NR2F1-AS1: variants seen among roughly 807,000 people sequenced by gnomAD.
NR2F1-AS1 encodes NR2F1 regulatory antisense RNA 1, also known as NR2F1 antisense RNA 1.
chr5:93,529,573 A>G (rs74460097), intron 4 of NR2F1-AS1, among the ~76,000 whole-genome samples: 7,047 of 152,266 alleles, frequency 0.046, 537 homozygotes, highest in African/African-American at 0.16. Flanking sequence ...GACCATAGGT[A>G]AATTATTTAA....
chr5:93,487,794 T>C (rs1373513389), intron 4 of NR2F1-AS1, among the ~76,000 whole-genome samples: 1 of 152,134 alleles, frequency 6.6e-6, no homozygotes, highest in Non-Finnish European at 1.5e-5. Flanking sequence ...AACACAATCC[T>C]AAGCACAAAG....
At chr5:93,534,233 A>T (rs1425835008) in intron 4 of NR2F1-AS1, among the ~76,000 whole-genome samples, 2 of 152,246 alleles carry the variant, frequency 1.3e-5, no homozygotes, top group Non-Finnish European at 2.9e-5. Context: ...CCTGTGAGGT[A>T]ATACTATCAT....
intron 2 of NR2F1-AS1, among the ~76,000 whole-genome samples, chr5:93,563,062 T>C (rs1259551036): frequency 6.6e-6 from 1 of 152,240 alleles, no homozygotes; most frequent in Non-Finnish European, 1.5e-5. Context: ...GGAAAATATA[T>C]AGCCAATGCT....
chr5:93,555,627 A>G (rs1392746527), intron 2 of NR2F1-AS1, among the ~76,000 whole-genome samples: 2 of 152,182 alleles, frequency 1.3e-5, no homozygotes, highest in Admixed American at 6.5e-5. Context: ...ACAAGACTGA[A>G]GGCAATGGAC....
intron 4 of NR2F1-AS1, among the ~76,000 whole-genome samples, chr5:93,548,779 G>A (rs1283828670): frequency 6.6e-6 from 1 of 152,108 alleles, no homozygotes; most frequent in Non-Finnish European, 1.5e-5. Context: ...GCTGAGATAG[G>A]AGAATCACTT....
At chr5:93,414,763 T>G (rs565237386) in intron 4 of NR2F1-AS1, among the ~76,000 whole-genome samples, 34 of 152,246 alleles carry the variant, frequency 2.2e-4, no homozygotes, top group African/African-American at 7.7e-4. Flanking sequence ...ACTTGTAAAT[T>G]TATTCATCCT....
chr5:93,446,823 C>G (rs1453180245), intron 4 of NR2F1-AS1, among the ~76,000 whole-genome samples: 1 of 152,114 alleles, frequency 6.6e-6, no homozygotes, highest in Non-Finnish European at 1.5e-5. Flanking sequence ...CTACAGTATT[C>G]AAAACAGCAT....
chr5:93,562,195 A>AAAAAAAAAAAAAAAAAAGAAAAGAAAAG (rs755007063), intron 2 of NR2F1-AS1, among the ~76,000 whole-genome samples: 2 of 136,664 alleles, frequency 1.5e-5, no homozygotes, highest in African/African-American at 3.0e-5. Flanking sequence ...AAAAAAAAAA[A>AAAAAAAAAAAAAAAAAAGAAAAGAAAAG]AAAAGAAAAG....
intron 4 of NR2F1-AS1, among the ~76,000 whole-genome samples, chr5:93,430,658 G>A (rs1378422886): frequency 6.6e-6 from 1 of 152,130 alleles, no homozygotes; most frequent in Non-Finnish European, 1.5e-5. Flanking sequence ...AAGAAGAATG[G>A]TGTGGCCCAG....
chr5:93,418,221 G>C (rs1451804794), intron 4 of NR2F1-AS1, among the ~76,000 whole-genome samples: 7 of 152,124 alleles, frequency 4.6e-5, no homozygotes, highest in Admixed American at 4.6e-4. Flanking sequence ...AGGCCTAAAG[G>C]GGGCCAGCTT....
intron 4 of NR2F1-AS1, among the ~76,000 whole-genome samples, chr5:93,414,921 AAGTT>A (rs1748937782): frequency 6.6e-6 from 1 of 152,206 alleles, no homozygotes; most frequent in Non-Finnish European, 1.5e-5. Flanking sequence ...TTAAAAAAAA[AAGTT>A]AGGAGTACAA....
chr5:93,555,149 G>C (rs1752324723), intron 2 of NR2F1-AS1, among the ~76,000 whole-genome samples: 1 of 152,106 alleles, frequency 6.6e-6, no homozygotes. Flanking sequence ...TCTTCCACTA[G>C]ATTGCAAACT....
chr5:93,572,210 C>T (rs1752785859), intron 1 of NR2F1-AS1, among the ~76,000 whole-genome samples: 3 of 152,252 alleles, frequency 2.0e-5, no homozygotes, highest in Admixed American at 2.0e-4. Flanking sequence ...CGCACGTACA[C>T]ACACTCACAC....
At chr5:93,412,685 T>C (rs1024356627) in intron 4 of NR2F1-AS1, among the ~76,000 whole-genome samples, 12 of 152,182 alleles carry the variant, frequency 7.9e-5, no homozygotes, top group African/African-American at 2.7e-4. Flanking sequence ...CTAAATCTAC[T>C]TGACTAGGGA....
chr5:93,575,016 T>TG (rs963559492), intron 1 of NR2F1-AS1, among the ~76,000 whole-genome samples: 8 of 152,212 alleles, frequency 5.3e-5, no homozygotes, highest in East Asian at 1.9e-4. Flanking sequence ...GCCTGCAGCC[T>TG]GGGGGGGTGT....
chr5:93,432,558 TGTGTCCTG>T (rs1349341871), intron 4 of NR2F1-AS1: 1 of 152,232 alleles, frequency 6.6e-6, no homozygotes, highest in Non-Finnish European at 1.5e-5. Flanking sequence ...GCCAATCACT[TGTGTCCTG>T]GAGCATTGGG....
At chr5:93,558,801 T>C (rs1327368146) in intron 2 of NR2F1-AS1, among the ~76,000 whole-genome samples, 3 of 152,206 alleles carry the variant, frequency 2.0e-5, no homozygotes, top group Non-Finnish European at 4.4e-5. Context: ...TTGAAAGGAA[T>C]CTTTTTTCTA....
At chr5:93,413,885 C>T (rs1207688965) in intron 4 of NR2F1-AS1, among the ~76,000 whole-genome samples, 1 of 152,078 alleles carries the variant, frequency 6.6e-6, no homozygotes, top group Admixed American at 6.6e-5. Flanking sequence ...TTTATAAAGG[C>T]ATTTCTCTAA....
chr5:93,564,132 A>AC (rs1752561957), intron 1 of NR2F1-AS1, among the ~76,000 whole-genome samples: 1 of 125,366 alleles, frequency 8.0e-6, no homozygotes, highest in African/African-American at 3.5e-5. Flanking sequence ...AAAAAAAAAA[A>AC]AAAAAAAAAA....
Sources: gnomAD v4.1 joint callset for allele counts (sites outside exome capture counted in the v4.1 genomes callset) on GRCh38, gnomAD v4.1.1 for gene constraint, MANE v1.5 for transcripts, NCBI Gene and HGNC (gene_info 2026-07-23, HGNC 2026-07-21) for gene names.